The following UGGT2 variants were observed in gnomAD, a reference collection of about 807,000 sequenced individuals.
UGGT2 encodes the protein UDP-glucose:glycoprotein glucosyltransferase 2.
In UGGT2, 180 loss-of-function variants were observed where a neutral mutation model predicts 192.1. The ratio of observed to expected loss-of-function variants is 0.94; its 90% confidence interval spans 0.83 to 1.06. The LOEUF is 1.06. Ranked by LOEUF, UGGT2 falls within the 50% of genes least tolerant of loss-of-function variation. The probability of loss-of-function intolerance (pLI) is 0.00; values close to 1 mark genes in which losing one functional copy is unlikely to be tolerated. For synonymous variants in UGGT2, 580 were observed against 591.0 expected (o/e 0.98, Z 0.27); for missense variants, 1,849 against 1,795.7 (o/e 1.03, Z -0.54).
intron 36 of UGGT2, among the ~76,000 whole-genome samples, chr13:95,841,933 A>G (rs1264814332): frequency 6.6e-6 from 1 of 152,194 alleles, no homozygotes; most frequent in Non-Finnish European, 1.5e-5. Flanking sequence ...ATAGTTGTTA[A>G]AAAGACTATT....
At chr13:96,041,298 G>C (rs937771139) in intron 1 of UGGT2, among the ~76,000 whole-genome samples, 1 of 152,140 alleles carries the variant, frequency 6.6e-6, no homozygotes, top group African/African-American at 2.4e-5. Context: ...AATTTAGAGA[G>C]CCAAGCAAAA....
intron 1 of UGGT2, among the ~76,000 whole-genome samples, chr13:96,038,963 T>G (rs1257183442): frequency 6.6e-6 from 1 of 152,130 alleles, no homozygotes; most frequent in African/African-American, 2.4e-5. Flanking sequence ...CCTGTGAAAC[T>G]AGAAAACAAG....
intron 10 of UGGT2, among the ~76,000 whole-genome samples, 198 bp from the exon 11 acceptor site, chr13:95,972,869 T>C (rs887343817): frequency 5.3e-5 from 8 of 152,220 alleles, no homozygotes; most frequent in African/African-American, 7.2e-5. Context: ...GCAATGTTTA[T>C]TGTAAAAATT....
At chr13:95,978,291 G>C (rs149226676) in intron 10 of UGGT2, among the ~76,000 whole-genome samples, 2 of 152,272 alleles carry the variant, frequency 1.3e-5, no homozygotes, top group East Asian at 3.9e-4. Flanking sequence ...CTGACGATTA[G>C]TGATGGTGAG....
rs761370972 is a variant in UGGT2 at position 95,837,172 on chromosome 13, C to T, written c.4315G>A (p.Ala1439Thr). Residue 1439 changes from alanine (A) to threonine (T), a missense_variant, in exon 37 of 39, where the codon GCC (alanine) becomes ACC (threonine). Physicochemically the swap from Ala to Thr is moderately conservative, Grantham distance 58. Coordinates refer to ENST00000376747, the MANE Select transcript of UGGT2 (RefSeq NM_020121.4). ...DLPNNMIYQVAIKSLPQDWLW... is the reference protein window; with the variant it reads ...DLPNNMIYQVTIKSLPQDWLW... ...CAGTCTTGAGGAAGAGACTTAATGGCGACTTGGTAAATCATATTATTGGGG... is the reference window on the plus strand; with the variant it reads ...CAGTCTTGAGGAAGAGACTTAATGGTGACTTGGTAAATCATATTATTGGGG... The T allele has an allele frequency of 1.3e-5, 21 of 1,613,652 alleles. No homozygotes were observed. The highest frequency in any genetic ancestry group is 1.2e-4 in the Admixed American group (7 of 59,956).
chr13:95,872,227 GGTAA>G (rs1169253190), intron 29 of UGGT2, among the ~76,000 whole-genome samples: 6 of 152,156 alleles, frequency 3.9e-5, no homozygotes, highest in Admixed American at 3.9e-4. Context: ...TTGTATTCAA[GGTAA>G]GTAACAGCCA....
At chr13:95,960,448 A>C (rs2050352045) in intron 12 of UGGT2, among the ~76,000 whole-genome samples, 1 of 151,822 alleles carries the variant, frequency 6.6e-6, no homozygotes, top group Admixed American at 6.6e-5. Flanking sequence ...GACTAAATCA[A>C]GTAGAATCAA....
At chr13:96,035,112 T>A (rs778798015) in intron 1 of UGGT2, among the ~76,000 whole-genome samples, 2 of 152,036 alleles carry the variant, frequency 1.3e-5, no homozygotes, top group Admixed American at 6.6e-5. Context: ...GCCAAGACAA[T>A]CTGAAGCAAA....
rs1307680394 is a variant in UGGT2, at chr13:95,902,867, GTTTTAA to G, written c.2483_2488del (p.Ile828_Lys829del). ...ATAGCTACTGACCTCAATAAGGAAT[GTTTTAA>G]TTTTATCTCCAGAGTAAATAGCTGT... On this transcript the variant is annotated inframe_deletion, in exon 21 of 39. Transcript: ENST00000376747. The G allele has an allele frequency of 3.7e-6, 6 of 1,612,758 alleles. No individual in the cohort carries two copies. Among genetic ancestry groups the G allele is most frequent in the Non-Finnish European group, 5.1e-6 (6 of 1,179,364 alleles).
intron 5 of UGGT2, among the ~76,000 whole-genome samples, chr13:96,008,884 A>C (rs530336037): frequency 2.0e-5 from 3 of 152,346 alleles, no homozygotes; most frequent in Non-Finnish European, 4.4e-5. Flanking sequence ...AGCTATTTTA[A>C]ATTTTATATG....
intron 38 of UGGT2, among the ~76,000 whole-genome samples, chr13:95,802,716 G>A (rs1884116137): frequency 6.6e-6 from 1 of 152,168 alleles, no homozygotes; most frequent in South Asian, 2.1e-4. Flanking sequence ...TCAAGTAAAG[G>A]GCCGTCCGTG....
intron 1 of UGGT2, among the ~76,000 whole-genome samples, chr13:96,052,273 T>A (rs2053507327): frequency 6.6e-6 from 1 of 152,136 alleles, no homozygotes; most frequent in Non-Finnish European, 1.5e-5. Flanking sequence ...GCTATGAGGA[T>A]GCAAAGGCAT....
chr13:95,884,651 AG>A lies in UGGT2; in HGVS notation c.3067del (p.Leu1023Ter). On this transcript the variant is annotated frameshift_variant, in exon 27 of 39. Transcript: ENST00000376747. LOFTEE classifies it high-confidence loss of function. ...SFYRFVLEPE[L>X]MSGANDVSSL... The stretch of plus-strand genomic sequence containing the variant: ...AGAAACGTCATTAGCCCCTGACATC[AG>A]TTCTGGTTCCAGAACAAAACGGTAA... 6.2e-7 allele frequency: 1 copy of A among 1,613,386 alleles called. No homozygotes were observed. Among genetic ancestry groups the A allele is most frequent in the Non-Finnish European group, 8.5e-7 (1 of 1,179,682 alleles).
intron 10 of UGGT2, chr13:95,983,595 A>G: frequency 1.6e-6 from 1 of 633,132 alleles, no homozygotes; most frequent in South Asian, 1.5e-5. Flanking sequence ...TCTGGAATAT[A>G]CTGTGAAATA....
At chr13:95,853,775 CAATT>C in intron 35 of UGGT2, 118 bp from the exon 36 acceptor site, 1 of 582,820 alleles carries the variant, frequency 1.7e-6, no homozygotes. Context: ...GATCTAATAA[CAATT>C]AATCCTTTCA....
chr13:95,918,064 C>T (rs2048733860), intron 20 of UGGT2, among the ~76,000 whole-genome samples: 1 of 152,196 alleles, frequency 6.6e-6, no homozygotes, highest in African/African-American at 2.4e-5. Flanking sequence ...GAAATCTCCA[C>T]CAAAACCCAA....
intron 20 of UGGT2, among the ~76,000 whole-genome samples, chr13:95,912,843 C>T (rs572161567): frequency 3.5e-4 from 54 of 152,278 alleles, no homozygotes; most frequent in African/African-American, 1.2e-3. Context: ...AACTATACTA[C>T]AAGGCTACAG....
intron 8 of UGGT2, among the ~76,000 whole-genome samples, chr13:95,987,540 A>G (rs2140886432): frequency 6.6e-6 from 1 of 152,314 alleles, no homozygotes; most frequent in South Asian, 2.1e-4. Context: ...AAAAAGTGCT[A>G]AAATAGAGAC....
At chr13:95,805,919 T>C (rs1457601229) in intron 38 of UGGT2, among the ~76,000 whole-genome samples, 1 of 151,938 alleles carries the variant, frequency 6.6e-6, no homozygotes, top group Non-Finnish European at 1.5e-5. Flanking sequence ...TACGTGATTT[T>C]TTTAACCACA....
Sources: gnomAD v4.1 joint callset for allele counts (sites outside exome capture counted in the v4.1 genomes callset) on GRCh38, gnomAD v4.1.1 for gene constraint, MANE v1.5 for transcripts, NCBI Gene and HGNC (gene_info 2026-07-23, HGNC 2026-07-21) for gene names.